The following MAML3 variants were observed in gnomAD, a reference collection of about 807,000 sequenced individuals.
MAML3 encodes the protein mastermind-like protein 3.
In MAML3, 27 loss-of-function variants were observed where a neutral mutation model predicts 101.9. That is an observed-to-expected ratio of 0.27 (90% CI 0.20 to 0.37). The LOEUF is 0.37. Ranked by LOEUF, MAML3 falls within the 10% of genes least tolerant of loss-of-function variation. The probability of loss-of-function intolerance (pLI) is 1.00; values close to 1 mark genes in which losing one functional copy is unlikely to be tolerated. For missense variants in MAML3, 1,316 were observed against 1,444.9 expected (o/e 0.91, Z 1.45); for synonymous variants, 501 against 555.9 (o/e 0.90, Z 1.39).
chr4:139,979,905 G>A (rs1243442208), intron 1 of MAML3, among the ~76,000 whole-genome samples: 1 of 152,142 alleles, frequency 6.6e-6, no homozygotes, highest in Non-Finnish European at 1.5e-5. Flanking sequence ...CTAAGGCAGT[G>A]GTTCTCTGGA....
At chr4:139,976,306 G>C (rs1734339439) in intron 1 of MAML3, among the ~76,000 whole-genome samples, 1 of 152,044 alleles carries the variant, frequency 6.6e-6, no homozygotes, top group African/African-American at 2.4e-5. Context: ...ACAGTAATCA[G>C]AGCAGATGAC....
chr4:139,884,945 T>A (rs1016665981), intron 2 of MAML3, among the ~76,000 whole-genome samples: 8 of 152,230 alleles, frequency 5.3e-5, no homozygotes, highest in African/African-American at 1.9e-4. Context: ...AGAGAGATCC[T>A]GCCCTTGAGA....
rs953902120 is a variant in MAML3, at chr4:139,796,337, G to A, written c.2080-65670C>T. On this transcript the variant is annotated intron_variant, in intron 2 of 4. Transcript: ENST00000509479. ...GTGTGTGGGGCCAATTTACAGCAGG[G>A]GCTTAATATATTTTTGATGAAAATT... is the stretch of plus-strand genomic sequence containing the variant. Among the ~76,000 whole-genome samples, 20 of 152,234 alleles carry A rather than the reference G, an allele frequency of 1.3e-4. No homozygotes were observed. In the South Asian group the frequency reaches 1.4e-3, roughly 11 times the overall value.
intron 1 of MAML3, among the ~76,000 whole-genome samples, chr4:140,115,726 G>A (rs1728507120): frequency 6.6e-6 from 1 of 152,162 alleles, no homozygotes; most frequent in Non-Finnish European, 1.5e-5. Context: ...TTATCCAATT[G>A]ACATGTCTCT....
At chr4:139,983,336 A>G (rs1012843479) in intron 1 of MAML3, among the ~76,000 whole-genome samples, 3 of 152,238 alleles carry the variant, frequency 2.0e-5, no homozygotes, top group African/African-American at 7.2e-5. Flanking sequence ...ATAGAATGTC[A>G]TAAAAATAGA....
chr4:139,868,400 C>A (rs908098271), intron 2 of MAML3, among the ~76,000 whole-genome samples: 1 of 152,104 alleles, frequency 6.6e-6, no homozygotes, highest in South Asian at 2.1e-4. Flanking sequence ...CTTGATACTA[C>A]GAAAATAAAT....
At chr4:140,052,201 T>G (rs1433552826) in intron 1 of MAML3, among the ~76,000 whole-genome samples, 1 of 152,148 alleles carries the variant, frequency 6.6e-6, no homozygotes, top group Admixed American at 6.5e-5. Flanking sequence ...CCTACCTAAC[T>G]CTAATGTTTT....
chr4:139,841,529 C>T (rs576665181), intron 2 of MAML3, among the ~76,000 whole-genome samples: 9 of 152,336 alleles, frequency 5.9e-5, no homozygotes, highest in African/African-American at 1.9e-4. Context: ...TCACTATCGG[C>T]GCTGACGCTT....
chr4:140,103,923 A>G (rs1268305095), intron 1 of MAML3, among the ~76,000 whole-genome samples: 11 of 152,174 alleles, frequency 7.2e-5, no homozygotes, highest in African/African-American at 2.7e-4. Context: ...GCTTCACCAA[A>G]GCAGAGACCA....
intron 2 of MAML3, among the ~76,000 whole-genome samples, chr4:139,874,003 T>C (rs184101765): frequency 1.3e-5 from 2 of 152,358 alleles, no homozygotes; most frequent in East Asian, 3.8e-4. Context: ...TTAAGTTTTA[T>C]TAAAAGGTCT....
chr4:140,002,127 C>T (rs916289734), intron 1 of MAML3, among the ~76,000 whole-genome samples: 2 of 152,086 alleles, frequency 1.3e-5, no homozygotes, highest in African/African-American at 2.4e-5. Context: ...ACTATAGTCA[C>T]CACGTTGTAT....
chr4:139,850,343 T>A (rs1731526155), intron 2 of MAML3, among the ~76,000 whole-genome samples: 1 of 152,184 alleles, frequency 6.6e-6, no homozygotes, highest in African/African-American at 2.4e-5. Context: ...TGACCATACA[T>A]CCTGATCTGC....
chr4:139,822,890 A>C (rs1199114016), intron 2 of MAML3, among the ~76,000 whole-genome samples: 1 of 152,250 alleles, frequency 6.6e-6, no homozygotes, highest in East Asian at 1.9e-4. Context: ...TCTGAAGAGC[A>C]GAAGAAATAG....
intron 1 of MAML3, among the ~76,000 whole-genome samples, chr4:140,056,563 T>C (rs1300777167): frequency 6.6e-6 from 1 of 151,894 alleles, no homozygotes; most frequent in African/African-American, 2.4e-5. Context: ...TCCCAGAAAT[T>C]TGAGAGGCTG....
intron 2 of MAML3, among the ~76,000 whole-genome samples, chr4:139,769,175 G>T (rs1022064896): frequency 7.2e-5 from 11 of 152,210 alleles, no homozygotes; most frequent in Non-Finnish European, 1.3e-4. Context: ...GAAGACTTGG[G>T]CTTCAGTGAC....
intron 2 of MAML3, among the ~76,000 whole-genome samples, chr4:139,850,904 A>G (rs529430814): frequency 3.5e-5 from 5 of 142,986 alleles, no homozygotes; most frequent in South Asian, 2.2e-4. Flanking sequence ...TTGCAAGATT[A>G]AAAAAAAAAA....
intron 1 of MAML3, among the ~76,000 whole-genome samples, chr4:139,997,354 T>C (rs1192883973): frequency 1.3e-5 from 2 of 151,930 alleles, no homozygotes; most frequent in Non-Finnish European, 2.9e-5. Context: ...CTCTGAAAGT[T>C]ACAATATGCA....
At chr4:140,037,152 T>C (rs981404122) in intron 1 of MAML3, among the ~76,000 whole-genome samples, 1 of 150,080 alleles carries the variant, frequency 6.7e-6, no homozygotes, top group African/African-American at 2.5e-5. Context: ...AGTGAGGCAC[T>C]AAGAACCCTG....
At chr4:140,069,224 T>C (rs2110949429) in intron 1 of MAML3, among the ~76,000 whole-genome samples, 1 of 152,236 alleles carries the variant, frequency 6.6e-6, no homozygotes, top group Middle Eastern at 3.4e-3. Context: ...TGTGGAGTCT[T>C]TTGACTTGGT....
Sources: gnomAD v4.1 joint callset for allele counts (sites outside exome capture counted in the v4.1 genomes callset) on GRCh38, gnomAD v4.1.1 for gene constraint, MANE v1.5 for transcripts, NCBI Gene and HGNC (gene_info 2026-07-23, HGNC 2026-07-21) for gene names.